AMPH: variants seen among roughly 807,000 people sequenced by gnomAD.
AMPH encodes the protein amphiphysin, also known as amphiphysin (Stiff-Mann syndrome with breast cancer 128kD autoantigen).
In AMPH, 49 loss-of-function variants were observed where a neutral mutation model predicts 99.1. That is an observed-to-expected ratio of 0.49 (90% CI 0.39 to 0.63). The LOEUF is 0.63. AMPH is among the 20% of genes least tolerant of loss of function. The probability of loss-of-function intolerance (pLI) is 0.00; values close to 1 mark genes in which losing one functional copy is unlikely to be tolerated. For missense variants in AMPH, 759 were observed against 863.4 expected, an observed-to-expected ratio of 0.88 and a Z score of 1.52; for synonymous variants, 314 against 317.3, an observed-to-expected ratio of 0.99 and a Z score of 0.11.
intron 1 of AMPH, among the ~76,000 whole-genome samples, chr7:38,582,251 C>T (rs979307223): frequency 6.6e-6 from 1 of 152,048 alleles, no homozygotes; most frequent in Non-Finnish European, 1.5e-5. Context: ...ATATATTGTG[C>T]CAAATAATTC....
At position 38,417,830 on chromosome 7, in the gene AMPH, C is replaced by T. The variant is rs768373657; in HGVS notation, c.1393G>A (p.Ala465Thr). 3.7e-6 allele frequency: 6 copies of T among 1,613,720 alleles called. No homozygotes were observed. In the East Asian group the frequency reaches 1.1e-4, roughly 30 times the overall value. The change falls in exon 17 of 21, where the codon GCA becomes ACA. Residue 465 changes from alanine (A) to threonine (T), a missense_variant. Physicochemically the swap from Ala to Thr is moderately conservative, Grantham distance 58. This residue lies in a region of AMPH where 554 missense variants were observed against 575.6 expected (regional missense o/e 0.96). Transcript: ENST00000356264. Reference sequence around the variant, plus strand: ...GAGAGGGAGGTGGTGCTCACCACTGCCTCCTCCACTGGCTCCTCAGCCCGA... The same window carrying T: ...GAGAGGGAGGTGGTGCTCACCACTGTCTCCTCCACTGGCTCCTCAGCCCGA... ...DTRAEEPVEE[A>T]VIIPGADADA... is the part of the protein sequence containing the mutation.
In AMPH at chr7:38,459,237, T is replaced by A. The variant is rs530714810; in HGVS notation, c.1017+2046A>T. 5.3e-5 allele frequency among the ~76,000 whole-genome samples: 8 copies of A among 151,704 alleles called. No individual in the cohort carries two copies. The South Asian group carries it at 1.5e-3, about 28-fold the overall frequency. On this transcript the variant is annotated intron_variant, in intron 11 of 20. Transcript: ENST00000356264. ...TGAAAGAAAATTAAAAGGACAAGGA[T>A]CAGAAAAATTAATATTGTAAAAATA...
intron 11 of AMPH, among the ~76,000 whole-genome samples, chr7:38,441,740 A>G (rs575706748): frequency 2.6e-5 from 2 of 76,244 alleles, no homozygotes; most frequent in East Asian, 1.0e-3. Context: ...GATATATATG[A>G]CAGATATATC....
chr7:38,516,110 T>C (rs1163451867), intron 2 of AMPH, among the ~76,000 whole-genome samples: 2 of 152,170 alleles, frequency 1.3e-5, no homozygotes, highest in Non-Finnish European at 2.9e-5. Flanking sequence ...AGCCTGGCCA[T>C]GTGGTAGAAA....
At chr7:38,627,220 A>G (rs1030677289) in intron 1 of AMPH, among the ~76,000 whole-genome samples, 6 of 151,960 alleles carry the variant, frequency 3.9e-5, no homozygotes, top group Admixed American at 3.9e-4. Flanking sequence ...AGTTTGGGCC[A>G]CTGAGAGTTA....
chr7:38,534,366 C>G (rs753833095), intron 2 of AMPH, among the ~76,000 whole-genome samples: 1 of 152,110 alleles, frequency 6.6e-6, no homozygotes, highest in Non-Finnish European at 1.5e-5. Context: ...CCTATAGATC[C>G]GTCATCTGTA....
intron 2 of AMPH, among the ~76,000 whole-genome samples, chr7:38,520,532 C>G (rs1474790020): frequency 1.3e-5 from 2 of 152,186 alleles, no homozygotes; most frequent in African/African-American, 4.8e-5. Flanking sequence ...GTAAAAATGA[C>G]TAAACGTTGA....
At chr7:38,410,347 C>T (rs909818606) in intron 17 of AMPH, among the ~76,000 whole-genome samples, 1 of 152,180 alleles carries the variant, frequency 6.6e-6, no homozygotes, top group Non-Finnish European at 1.5e-5. Context: ...TATATCTCAC[C>T]GTGCAACCTG....
At chr7:38,499,435 A>G (rs569376729) in intron 3 of AMPH, among the ~76,000 whole-genome samples, 223 of 152,308 alleles carry the variant, frequency 1.5e-3, no homozygotes, top group African/African-American at 5.1e-3. Flanking sequence ...AATTCATTTA[A>G]CCCAACTTCA....
At chr7:38,464,224 T>C (rs1394626294) in intron 9 of AMPH, 7 of 943,952 alleles carry the variant, frequency 7.4e-6, no homozygotes, top group South Asian at 1.4e-5. Context: ...TTCATTTCCA[T>C]GTAAGGGAAC....
At chr7:38,428,207 T>C (rs1455117049) in intron 14 of AMPH, 6 of 456,624 alleles carry the variant, frequency 1.3e-5, no homozygotes, top group Admixed American at 7.0e-5. Flanking sequence ...TACCAGAGAA[T>C]CCTGTTATAT....
At chr7:38,506,752 C>T (rs888887152) in intron 2 of AMPH, among the ~76,000 whole-genome samples, 18 of 152,090 alleles carry the variant, frequency 1.2e-4, no homozygotes, top group African/African-American at 4.1e-4. Context: ...GAAGAGAAAC[C>T]ATTATTTTAC....
At chr7:38,626,156 T>TC (rs1381403044) in intron 1 of AMPH, among the ~76,000 whole-genome samples, 1 of 152,192 alleles carries the variant, frequency 6.6e-6, no homozygotes, top group Non-Finnish European at 1.5e-5. Flanking sequence ...TATTTTTCTT[T>TC]CTTTTTTTTA....
At chr7:38,410,015 T>G (rs1785168243) in intron 17 of AMPH, among the ~76,000 whole-genome samples, 1 of 152,206 alleles carries the variant, frequency 6.6e-6, no homozygotes, top group Non-Finnish European at 1.5e-5. Context: ...ACATACTAGT[T>G]TTTGGAGCAG....
intron 1 of AMPH, among the ~76,000 whole-genome samples, chr7:38,548,324 C>T (rs1205616751): frequency 5.3e-5 from 8 of 151,932 alleles, no homozygotes; most frequent in East Asian, 2.0e-4. Context: ...CCACTGCACC[C>T]GGCCCCTTGT....
chr7:38,501,656 AT>A (rs928928488), intron 3 of AMPH, among the ~76,000 whole-genome samples: 1 of 152,072 alleles, frequency 6.6e-6, no homozygotes, highest in African/African-American at 2.4e-5. Flanking sequence ...AATTATTGAT[AT>A]TTTTATTATT....
chr7:38,413,610 A>G (rs1785276243), intron 17 of AMPH, among the ~76,000 whole-genome samples: 1 of 152,176 alleles, frequency 6.6e-6, no homozygotes, highest in Non-Finnish European at 1.5e-5. Context: ...TGGGAATACA[A>G]TCAAACTCAG....
At chr7:38,453,424 T>C (rs573857069) in intron 11 of AMPH, among the ~76,000 whole-genome samples, 25 of 152,302 alleles carry the variant, frequency 1.6e-4, no homozygotes, top group Admixed American at 5.2e-4. Context: ...AGCTGGAACA[T>C]GCTTCTGTTT....
intron 2 of AMPH, among the ~76,000 whole-genome samples, chr7:38,534,173 T>C (rs903143211): frequency 6.6e-6 from 1 of 152,178 alleles, no homozygotes; most frequent in African/African-American, 2.4e-5. Flanking sequence ...CTTTATACAC[T>C]AAAAAGGTTT....
Sources: gnomAD v4.1 joint callset for allele counts (sites outside exome capture counted in the v4.1 genomes callset) on GRCh38, gnomAD v4.1.1 for gene constraint, gnomAD v4.1.1 regional missense constraint, MANE v1.5 for transcripts, NCBI Gene and HGNC (gene_info 2026-07-23, HGNC 2026-07-21) for gene names.